Variants in VCAN observed in about 807,000 individuals in gnomAD.
VCAN encodes versican core protein.
In VCAN, 44 loss-of-function variants were observed where a neutral mutation model predicts 245.5. The ratio of observed to expected loss-of-function variants is 0.18; its 90% CI spans 0.14 to 0.23. VCAN has a LOEUF of 0.23. VCAN is among the 10% of genes least tolerant of loss of function. VCAN has a pLI of 1.00. For synonymous variants in VCAN, 1,413 were observed against 1,437.0 expected, an observed-to-expected ratio of 0.98 and a Z score of 0.38; for missense variants, 3,793 against 4,057.9, an observed-to-expected ratio of 0.93 and a Z score of 1.77.
At chr5:83,572,637 A>G in intron 13 of VCAN, 77 bp downstream of exon 13, 1 of 1,580,814 alleles carries the variant, frequency 6.3e-7, no homozygotes, top group East Asian at 2.3e-5. Context: ...TTGTGTCTCA[A>G]ATTCATTGTT....
chr5:83,565,397 G>A (rs1436042254), intron 12 of VCAN, among the ~76,000 whole-genome samples: 1 of 39,812 alleles, frequency 2.5e-5, no homozygotes, highest in Admixed American at 2.9e-4. Context: ...AAGGGTGTGT[G>A]TGTGTGTGTG....
chr5:83,479,117 C>A lies in VCAN; in HGVS notation c.-6-4396C>A, dbSNP rs1744524359. Among the ~76,000 whole-genome samples the A allele has an allele frequency of 2.0e-5, 3 of 152,102 alleles. No individual in the cohort carries two copies. The South Asian group carries it at 6.2e-4, about 32-fold the overall frequency. ...AATCACGTGATTTCTCTCTGCTGTA[C>A]AATGATTCTTTCTGTGAGAAAGAAC... On this transcript the variant is annotated intron_variant, in intron 1 of 14. Transcript: ENST00000265077.
In VCAN at chr5:83,512,134, A is replaced by G. The variant is rs1342649911; in HGVS notation, c.780A>G (p.Lys260=). The G allele has an allele frequency of 6.2e-7, 1 of 1,613,964 alleles. No individual in the cohort carries two copies. The highest frequency in any genetic ancestry group is 1.7e-5 in the Admixed American group (1 of 59,990). The change falls in exon 6 of 15, where the codon AAA becomes AAG. Residue 260 remains lysine, a synonymous_variant. Transcript: ENST00000265077. ...TGTTCCACCTCACTGTCCCCAGTAAATTCACCTTCGAGGAGGCTGCAAAAG... is the reference window on the plus strand; with the variant it reads ...TGTTCCACCTCACTGTCCCCAGTAAGTTCACCTTCGAGGAGGCTGCAAAAG... ...GDVFHLTVPS[K]FTFEEAAKEC...
At chr5:83,515,915 CAT>C (rs1745830020) in intron 6 of VCAN, among the ~76,000 whole-genome samples, 1 of 152,068 alleles carries the variant, frequency 6.6e-6, no homozygotes, top group Non-Finnish European at 1.5e-5. Flanking sequence ...GTTAGCATTC[CAT>C]CACTCATATA....
In VCAN at chr5:83,490,115, C is replaced by T. The variant is rs138176813; in HGVS notation, c.88C>T (p.Pro30Ser). 3.1e-6 allele frequency: 5 copies of T among 1,613,724 alleles called. No individual in the cohort carries two copies. The African/African-American group carries it at 5.3e-5, about 17-fold the overall frequency. Residue 30 changes from proline to serine, a missense_variant, in exon 3 of 15, where the codon CCA becomes TCA. By Grantham distance (74) the Pro-to-Ser change is moderately conservative. Around this residue, in one of 5 missense-constraint regions of VCAN, gnomAD observed 179 missense variants for 169.7 expected, o/e 1.05. Transcript: ENST00000265077. ...TCCTCTAGTCAAAGTGGGAAAAAGC[C>T]CACCGGTGAGGGGCTCCCTCTCTGG... is the stretch of plus-strand genomic sequence containing the variant. ...ALHKVKVGKS[P>S]PVRGSLSGKV...
intron 1 of VCAN, among the ~76,000 whole-genome samples, chr5:83,473,280 G>A (rs1052702256): frequency 2.0e-5 from 3 of 152,166 alleles, no homozygotes; most frequent in African/African-American, 4.8e-5. Context: ...GAGGAGAGCG[G>A]GGTAGAAAAA....
chr5:83,529,626 C>T (rs1746443410), intron 7 of VCAN, among the ~76,000 whole-genome samples: 1 of 152,090 alleles, frequency 6.6e-6, no homozygotes, highest in East Asian at 1.9e-4. Context: ...ACTATATTTA[C>T]AGTCTGTTTG....
intron 13 of VCAN, among the ~76,000 whole-genome samples, chr5:83,573,781 C>T (rs1017592828): frequency 3.9e-5 from 6 of 152,044 alleles, no homozygotes; most frequent in African/African-American, 1.4e-4. Flanking sequence ...AGCTTTATAA[C>T]GGTGGTCATC....
chr5:83,545,613 C>G lies in VCAN; in HGVS notation c.9342C>G (p.Thr3114=). The part of the protein sequence containing the change: ...CYPTETSYVC[T]CVPGYSGDQC... ...CTACTGAAACTTCCTACGTATGCAC[C>G]TGTGTGCCAGGATACAGCGGAGACC... The change falls in exon 9 of 15, where the codon ACC becomes ACG. Residue 3114 remains threonine (T), a synonymous_variant. Transcript: ENST00000265077. The G allele has an allele frequency of 6.2e-6, 10 of 1,614,100 alleles. No individual in the cohort carries two copies. The highest frequency in any genetic ancestry group is 7.6e-6 in the Non-Finnish European group (9 of 1,179,988).
rs1744937331 is a variant in VCAN, at chr5:83,490,305, T to C, written c.278T>C (p.Ile93Thr). 1 of 1,614,156 alleles carries C rather than the reference T, an allele frequency of 6.2e-7. No homozygotes were observed. The highest frequency in any genetic ancestry group is 1.1e-5 in the South Asian group (1 of 91,084). Residue 93 changes from isoleucine (I) to threonine (T), a missense_variant, in exon 3 of 15, where the codon ATT (isoleucine) becomes ACT (threonine). This residue lies in a region of VCAN where 179 missense variants were observed against 169.7 expected (regional missense o/e 1.05). Coordinates refer to ENST00000265077, the MANE Select transcript of VCAN (RefSeq NM_004385.5). ...GTGGCCCAAAATGGAAATATCAAGA[T>C]TGGTCAGGACTACAAAGGGAGAGTG... Reference protein sequence around the residue: ...VLVAQNGNIKIGQDYKGRVSV... With the variant: ...VLVAQNGNIKTGQDYKGRVSV...
chr5:83,504,864 C>T (rs1017794105), intron 5 of VCAN, among the ~76,000 whole-genome samples: 87 of 152,190 alleles, frequency 5.7e-4, no homozygotes, highest in Middle Eastern at 3.4e-3. Flanking sequence ...TACAGTTCCA[C>T]GTGGCTGGGG....
chr5:83,472,267 T>C (rs538546820), intron 1 of VCAN, among the ~76,000 whole-genome samples: 26 of 65,588 alleles, frequency 4.0e-4, no homozygotes, highest in Non-Finnish European at 8.1e-4. Flanking sequence ...AAACCCAGGG[T>C]GGGGTGGGGG....
rs191240501 is a variant in VCAN, at chr5:83,567,546, C to T, written c.9736-4870C>T. On this transcript the variant is annotated intron_variant, in intron 12 of 14. Coordinates refer to ENST00000265077, the MANE Select transcript of VCAN (RefSeq NM_004385.5). ...CGAACTCCTGACCTCGTGATCCACCCGCCTCAGCCTCCCAAAGTGCTGGGA... is the reference window on the plus strand; with the variant it reads ...CGAACTCCTGACCTCGTGATCCACCTGCCTCAGCCTCCCAAAGTGCTGGGA... Among the ~76,000 whole-genome samples the T allele has an allele frequency of 2.3e-3, 350 of 152,220 alleles. 1 individual carries two copies. Among genetic ancestry groups the T allele is most frequent in the African/African-American group, 7.3e-3 (304 of 41,520 alleles).
intron 12 of VCAN, 53 bp from the exon 13 acceptor site, chr5:83,572,363 C>G: frequency 6.2e-7 from 1 of 1,607,702 alleles, no homozygotes; most frequent in Non-Finnish European, 8.5e-7. Context: ...CGTCGTTGCT[C>G]TTACGTTACT....
chr5:83,572,251 A>C (rs183303418), intron 12 of VCAN, among the ~76,000 whole-genome samples, 165 bp from the exon 13 acceptor site: 2 of 152,314 alleles, frequency 1.3e-5, no homozygotes, highest in African/African-American at 4.8e-5. Flanking sequence ...TATATTTTCT[A>C]CTCACAGTTT....
At chr5:83,511,188 C>T (rs1433019535) in intron 5 of VCAN, among the ~76,000 whole-genome samples, 1 of 148,064 alleles carries the variant, frequency 6.8e-6, no homozygotes, top group East Asian at 2.1e-4. Flanking sequence ...GTCGCCCAGG[C>T]TGGAGTGTGG....
At chr5:83,526,098 C>G (rs1746285424) in intron 7 of VCAN, among the ~76,000 whole-genome samples, 1 of 151,972 alleles carries the variant, frequency 6.6e-6, no homozygotes, top group Admixed American at 6.6e-5. Context: ...TGCCACCATG[C>G]CTGGCGAATT....
chr5:83,493,991 A>C, intron 5 of VCAN, 60 bp downstream of exon 5: 1 of 1,611,910 alleles, frequency 6.2e-7, no homozygotes, highest in Non-Finnish European at 8.5e-7. Context: ...GAAGACCAGA[A>C]GTTCATTGGA....
At chr5:83,504,611 A>G (rs189319016) in intron 5 of VCAN, among the ~76,000 whole-genome samples, 2 of 152,164 alleles carry the variant, frequency 1.3e-5, no homozygotes, top group Admixed American at 1.3e-4. Flanking sequence ...CAAACTCCTG[A>G]CCTCAGATGA....
Sources: gnomAD v4.1 joint callset for allele counts (sites outside exome capture counted in the v4.1 genomes callset) on GRCh38, gnomAD v4.1.1 for gene constraint, gnomAD v4.1.1 regional missense constraint, MANE v1.5 for transcripts, NCBI Gene and HGNC (gene_info 2026-07-23, HGNC 2026-07-21) for gene names.